Variants in BABAM2 observed in about 807,000 individuals in gnomAD.
The protein encoded by BABAM2 is BRISC and BRCA1-A complex member 2.
In BABAM2, 31 loss-of-function variants were observed where a neutral mutation model predicts 54.7. The observed-to-expected ratio is 0.57, with a 90% CI of 0.43 to 0.77. BABAM2 has a LOEUF of 0.77. Ranked by LOEUF, BABAM2 falls within the 30% of genes least tolerant of loss-of-function variation. The pLI is 0.00. For synonymous variants in BABAM2, 167 were observed against 162.9 expected (o/e 1.03, Z -0.19); for missense variants, 364 against 455.8 (o/e 0.80, Z 1.83).
At chr2:28,089,065 G>T (rs1175648659) in intron 6 of BABAM2, among the ~76,000 whole-genome samples, 5 of 151,834 alleles carry the variant, frequency 3.3e-5, no homozygotes, top group African/African-American at 9.7e-5. Context: ...TTATTGAAAA[G>T]GGACAAAGAC....
chr2:28,014,968 T>G (rs1674691559), intron 4 of BABAM2, among the ~76,000 whole-genome samples: 3 of 152,232 alleles, frequency 2.0e-5, no homozygotes, highest in African/African-American at 7.2e-5. Context: ...TCAAAATTAA[T>G]TCAAATGACA....
intron 3 of BABAM2, among the ~76,000 whole-genome samples, chr2:27,961,257 C>T (rs961644560): frequency 5.3e-5 from 8 of 152,146 alleles, no homozygotes; most frequent in South Asian, 2.1e-4. Flanking sequence ...AGACAACAGA[C>T]GGTCCGATCC....
At chr2:27,969,391 A>G (rs1671048804) in intron 3 of BABAM2, among the ~76,000 whole-genome samples, 1 of 152,200 alleles carries the variant, frequency 6.6e-6, no homozygotes, top group Non-Finnish European at 1.5e-5. Context: ...AATAGGGTGC[A>G]TTGAAGAGTA....
Position 28,040,589 on chromosome 2 carries a change from C to T in BABAM2, c.496-5136C>T, listed in dbSNP as rs1012342470. On this transcript the variant is annotated intron_variant, in intron 5 of 11. Coordinates refer to ENST00000379624, the MANE Select transcript of BABAM2 (RefSeq NM_199191.3). The stretch of plus-strand genomic sequence containing the variant: ...TGCTGGGATTACAGGCGTGAGCCAC[C>T]GCGCCCGGCCGAAAAACTGAATTCT... Among the ~76,000 whole-genome samples, 6 of 152,010 alleles carry T rather than the reference C, an allele frequency of 3.9e-5. No homozygotes were observed. In the East Asian group the frequency reaches 5.8e-4, roughly 15 times the overall value.
At chr2:28,199,135 C>T (rs1448690735) in intron 7 of BABAM2, among the ~76,000 whole-genome samples, 1 of 152,134 alleles carries the variant, frequency 6.6e-6, no homozygotes, top group Non-Finnish European at 1.5e-5. Context: ...AGTGCTAATC[C>T]CTTTGCTGGG....
At chr2:28,008,551 C>G (rs1222750145) in intron 4 of BABAM2, among the ~76,000 whole-genome samples, 1 of 152,182 alleles carries the variant, frequency 6.6e-6, no homozygotes, top group Non-Finnish European at 1.5e-5. Context: ...GAAAGCATGT[C>G]TGCAGGCTGA....
In BABAM2 at chr2:28,338,795, G is replaced by C. The variant is rs924413242; in HGVS notation, c.*282G>C. 5.2e-6 allele frequency: 2 copies of C among 382,102 alleles called. No individual in the cohort carries two copies. Among genetic ancestry groups the C allele is most frequent in the Middle Eastern group, 7.5e-4 (1 of 1,332 alleles). 23.7% of individuals were successfully genotyped at this position (382,102 alleles called of 1,614,324 possible). ...ACAAATTATGGTGCAGTAATTTTCC[G>C]GGGAAAGTAAAGCCTCAGGAATGCC... is the stretch of plus-strand genomic sequence containing the variant. On this transcript the variant is annotated 3_prime_UTR_variant, in exon 12 of 12. Transcript: ENST00000379624.
chr2:27,969,904 T>G (rs993329442), intron 3 of BABAM2, among the ~76,000 whole-genome samples: 1 of 152,078 alleles, frequency 6.6e-6, no homozygotes, highest in African/African-American at 2.4e-5. Flanking sequence ...TTAGAAACTC[T>G]GTTTTACAGG....
chr2:28,031,181 T>A (rs1676267244), intron 5 of BABAM2, among the ~76,000 whole-genome samples: 1 of 152,174 alleles, frequency 6.6e-6, no homozygotes, highest in Non-Finnish European at 1.5e-5. Context: ...AGGCACTTGG[T>A]CATTCTCTCT....
At chr2:28,115,701 G>C (rs1668554888) in intron 6 of BABAM2, among the ~76,000 whole-genome samples, 1 of 151,930 alleles carries the variant, frequency 6.6e-6, no homozygotes, top group Admixed American at 6.6e-5. Context: ...TTGGGGTTGG[G>C]GGATGTAGAC....
intron 7 of BABAM2, among the ~76,000 whole-genome samples, chr2:28,210,445 A>C (rs1437690713): frequency 6.6e-6 from 1 of 152,170 alleles, no homozygotes; most frequent in East Asian, 1.9e-4. Context: ...TAGGGTGTAG[A>C]GTTTTCATCG....
At chr2:27,962,465 A>G (rs551705069) in intron 3 of BABAM2, among the ~76,000 whole-genome samples, 1 of 152,332 alleles carries the variant, frequency 6.6e-6, no homozygotes, top group African/African-American at 2.4e-5. Context: ...AAAGTGGACC[A>G]GATACGTATA....
intron 6 of BABAM2, among the ~76,000 whole-genome samples, chr2:28,100,462 CAAAA>C (rs34217491): frequency 2.2e-5 from 2 of 89,634 alleles, no homozygotes; most frequent in Non-Finnish European, 4.1e-5. Flanking sequence ...ACTCTGTCTC[CAAAA>C]AAAAAAAAAA....
intron 7 of BABAM2, among the ~76,000 whole-genome samples, chr2:28,200,305 C>G (rs1678125213): frequency 6.6e-6 from 1 of 152,230 alleles, no homozygotes; most frequent in African/African-American, 2.4e-5. Context: ...GTCCAAGTGT[C>G]TCTCCATACA....
In BABAM2 at chr2:28,173,174, G is replaced by A. The variant is rs569678162; in HGVS notation, c.680+43794G>A. Among the ~76,000 whole-genome samples the A allele has an allele frequency of 3.3e-5, 5 of 152,258 alleles. No homozygotes were observed. In the East Asian group the frequency reaches 9.6e-4, roughly 29 times the overall value. ...AGGATTTTAACATTTGAATTTTGGG[G>A]TGACACAAACATTCATTTCATAACA... On this transcript the variant is annotated intron_variant, in intron 7 of 11. Coordinates refer to ENST00000379624, the MANE Select transcript of BABAM2 (RefSeq NM_199191.3).
rs142452955 is a variant in BABAM2 at position 28,057,384 on chromosome 2, G to A, written c.570+11585G>A. On this transcript the variant is annotated intron_variant, in intron 6 of 11. Coordinates refer to ENST00000379624, the MANE Select transcript of BABAM2 (RefSeq NM_199191.3). ...GGATTTGCCCTATTTTCTTCAGTCCGTTTATGAGGGAAGCCTTGCAACCTA... is the reference window on the plus strand; with the variant it reads ...GGATTTGCCCTATTTTCTTCAGTCCATTTATGAGGGAAGCCTTGCAACCTA... Among the ~76,000 whole-genome samples the A allele has an allele frequency of 5.1e-4, 78 of 152,246 alleles. 1 individual carries two copies. The highest frequency in any genetic ancestry group is 1.7e-3 in the African/African-American group (71 of 41,552).
At chr2:28,092,578 A>G (rs182039175) in intron 6 of BABAM2, among the ~76,000 whole-genome samples, 1 of 152,314 alleles carries the variant, frequency 6.6e-6, no homozygotes, top group East Asian at 1.9e-4. Context: ...AGAAGTCTTA[A>G]GACAGAGGTA....
intron 3 of BABAM2, among the ~76,000 whole-genome samples, chr2:27,971,351 T>C (rs1671206768): frequency 6.6e-6 from 1 of 152,180 alleles, no homozygotes; most frequent in Admixed American, 6.5e-5. Context: ...CATCTTGATT[T>C]ATCCTGCCAG....
At chr2:28,108,160 A>G (rs1315109920) in intron 6 of BABAM2, among the ~76,000 whole-genome samples, 1 of 151,370 alleles carries the variant, frequency 6.6e-6, no homozygotes, top group Non-Finnish European at 1.5e-5. Context: ...AGGTTTTCAC[A>G]TATATATATA....
Sources: allele counts gnomAD v4.1 joint callset (sites outside exome capture counted in the v4.1 genomes callset), GRCh38; gene constraint gnomAD v4.1.1; transcripts MANE v1.5; gene names NCBI Gene and HGNC (gene_info 2026-07-23, HGNC 2026-07-21).